Variants in DCAKD observed in about 807,000 individuals in gnomAD.
DCAKD encodes the protein dephospho-CoA kinase domain containing.
DCAKD carries 15 observed loss-of-function variants against 18.7 expected under a neutral mutation model. The ratio of observed to expected loss-of-function variants is 0.80; its 90% CI spans 0.54 to 1.24. The LOEUF is 1.24. Among genes scored for constraint, DCAKD ranks in the 50% most tolerant of loss-of-function variants. DCAKD has a pLI of 0.00. For synonymous variants in DCAKD, 130 were observed against 133.0 expected (o/e 0.98, Z 0.16); for missense variants, 301 against 322.0 (o/e 0.93, Z 0.50).
Position 45,059,548 on chromosome 17 carries a change from A to G in DCAKD, c.-118+1340T>C, listed in dbSNP as rs1407045753. On this transcript the variant is annotated intron_variant, in intron 1 of 4. Coordinates refer to the DCAKD transcript ENST00000310604. ...AAGAGTGAGACTCAGGGACTGAAAC[A>G]TTCAATCAAGGTTAAAAACAGATTA... is the stretch of plus-strand genomic sequence containing the variant. 2.0e-5 allele frequency among the ~76,000 whole-genome samples: 3 copies of G among 152,220 alleles called. No homozygotes were observed. In the East Asian group the frequency reaches 5.8e-4, roughly 29 times the overall value.
chr17:45,049,867 C>T lies in DCAKD; in HGVS notation c.-115+1494G>A, dbSNP rs928682479. ...CCTGAGTAGCTGGGATTGCAGGCAC[C>T]CGCCACCACACCCAGCTAATTTTTT... is the stretch of plus-strand genomic sequence containing the variant. On this transcript the variant is annotated intron_variant, in intron 1 of 4. Transcript: ENST00000651974. 6.0e-5 allele frequency among the ~76,000 whole-genome samples: 9 copies of T among 150,388 alleles called. 1 individual carries two copies. In the Admixed American group the frequency reaches 6.0e-4, roughly 10 times the overall value.
At chr17:45,046,868 G>T (rs1279094970) in intron 1 of DCAKD, among the ~76,000 whole-genome samples, 1 of 152,004 alleles carries the variant, frequency 6.6e-6, no homozygotes, top group Non-Finnish European at 1.5e-5. Context: ...TCATACTGAG[G>T]TGAGGTGCAC....
At chr17:45,060,892 G>A (rs924996497) in exon 1 of DCAKD, 2 of 428,016 alleles carry the variant, frequency 4.7e-6, no homozygotes, top group Non-Finnish European at 6.3e-6. Context: ...ACTTACCCGG[G>A]AAACGTAACG....
At chr17:45,038,551 G>C (rs760274037) in intron 1 of DCAKD, among the ~76,000 whole-genome samples, 5 of 152,204 alleles carry the variant, frequency 3.3e-5, no homozygotes, top group Non-Finnish European at 5.9e-5. Context: ...AAGTAAGGAA[G>C]ATGAATCTGT....
rs565664517 is a variant in DCAKD at position 45,025,736 on chromosome 17, G to C, written c.405-1012C>G. Among the ~76,000 whole-genome samples, 120 of 141,702 alleles carry C rather than the reference G, an allele frequency of 8.5e-4. 1 individual carries two copies. The highest frequency in any genetic ancestry group is 1.1e-3 in the Admixed American group (14 of 12,736). 93.0% of individuals were successfully genotyped at this position (141,702 alleles called of 152,430 possible). A position where few individuals can be genotyped will look rare whatever the true frequency, so the allele number is the denominator to read the frequency against. On this transcript the variant is annotated intron_variant, in intron 4 of 4. Transcript: ENST00000651974. ...TGGAAGGGTTTGATCACTACATTTT[G>C]GTTCCTTCTTTTTTTTTTTTTTTTT...
At chr17:45,042,113 T>TA (rs557494753) in intron 1 of DCAKD, among the ~76,000 whole-genome samples, 58 of 147,722 alleles carry the variant, frequency 3.9e-4, no homozygotes, top group African/African-American at 1.3e-3. Context: ...AGACCTGACT[T>TA]AAAAAAAAAA....
At chr17:45,030,229 G>T (rs774264492) in intron 3 of DCAKD, 50 bp from the exon 4 acceptor site, 1 of 1,533,310 alleles carries the variant, frequency 6.5e-7, no homozygotes, top group South Asian at 1.1e-5. Flanking sequence ...AGCGCACACT[G>T]AGGACTGATG....
At chr17:45,031,623 C>G (rs2053172339) in intron 3 of DCAKD, 2 of 985,294 alleles carry the variant, frequency 2.0e-6, no homozygotes, top group Non-Finnish European at 2.4e-6. Flanking sequence ...TAGATCCTCT[C>G]CGGGCCTCTT....
intron 1 of DCAKD, among the ~76,000 whole-genome samples, chr17:45,045,877 A>G (rs58195521): frequency 0.09 from 13,736 of 151,856 alleles, 723 homozygotes; most frequent in East Asian, 0.15. Context: ...CCAGGCTGGA[A>G]TGCAATGGTG....
chr17:45,058,748 C>A (rs2053814843), intron 1 of DCAKD, among the ~76,000 whole-genome samples: 1 of 151,624 alleles, frequency 6.6e-6, no homozygotes, highest in African/African-American at 2.4e-5. Context: ...CTTCTTACCT[C>A]TGACCCCCCC....
rs373121105 is a variant in DCAKD, at chr17:45,036,170, G to A, written c.-114-1171C>T. Among the ~76,000 whole-genome samples, 52 of 152,168 alleles carry A rather than the reference G, an allele frequency of 3.4e-4. 1 individual carries two copies. Among genetic ancestry groups the A allele is most frequent in the African/African-American group, 1.2e-3 (48 of 41,454 alleles). ...CATGTGCTGCAACCCCGGGCAAGCC[G>A]CTTGCCTCCCTGAACCTCAGTTTTC... On this transcript the variant is annotated intron_variant, in intron 1 of 4. Transcript: ENST00000651974.
chr17:45,058,320 A>G (rs1393201999), intron 1 of DCAKD, among the ~76,000 whole-genome samples: 1 of 152,214 alleles, frequency 6.6e-6, no homozygotes, highest in East Asian at 1.9e-4. Context: ...CTCAAAAATA[A>G]TAATAAATAA....
chr17:45,026,882 T>A, intron 4 of DCAKD: 3 of 958,480 alleles, frequency 3.1e-6, no homozygotes, highest in Non-Finnish European at 3.7e-6. Flanking sequence ...GTGCACATCC[T>A]CCTGAAGGTG....
rs551189889 is a variant in DCAKD at position 45,036,830 on chromosome 17, A to G, written c.-114-1831T>C. Among the ~76,000 whole-genome samples, 8 of 152,182 alleles carry G rather than the reference A, an allele frequency of 5.3e-5. No individual in the cohort carries two copies. The South Asian group carries it at 1.7e-3, about 32-fold the overall frequency. The stretch of plus-strand genomic sequence containing the variant: ...TTAAATCAAAGGCCAGGTCTCTCCC[A>G]CCCTTCCTTCAGCCTCAAATCACTT... On this transcript the variant is annotated intron_variant, in intron 1 of 4. Coordinates refer to ENST00000651974, the MANE Select transcript of DCAKD (RefSeq NM_001288655.2).
rs1003936242 is a variant in DCAKD at position 45,033,824 on chromosome 17, T to A, written c.316+363A>T. Reference sequence around the variant, plus strand: ...AAAAATGAGCTGAGGGCGAGATCACTCAATGAAGTCACACAGCTAGAAAGT... The same window carrying A: ...AAAAATGAGCTGAGGGCGAGATCACACAATGAAGTCACACAGCTAGAAAGT... On this transcript the variant is annotated intron_variant, in intron 3 of 4. Transcript: ENST00000651974. 23 of 1,177,816 alleles carry A rather than the reference T, an allele frequency of 2.0e-5. No individual in the cohort carries two copies. In the African/African-American group the frequency reaches 3.5e-4, roughly 18 times the overall value. The allele number at this position is 1,177,816 out of a possible 1,614,324, so 73.0% of individuals were successfully genotyped here.
rs903050878 is a variant in DCAKD, at chr17:45,023,795, C to G, written c.*638G>C. 1.3e-5 allele frequency: 2 copies of G among 152,516 alleles called. No individual in the cohort carries two copies. Among genetic ancestry groups the G allele is most frequent in the Non-Finnish European group, 2.9e-5 (2 of 68,334 alleles). 9.4% of individuals were successfully genotyped at this position (152,516 alleles called of 1,614,324 possible). On this transcript the variant is annotated 3_prime_UTR_variant, in exon 5 of 5. Coordinates refer to ENST00000651974, the MANE Select transcript of DCAKD (RefSeq NM_001288655.2). ...ATGTGGGAGCACTACACAAACCCTA[C>G]GTGGGGAGAGGGGTCTCCCAGAAGA...
At chr17:45,033,962 A>C in intron 3 of DCAKD, 1 of 1,574,906 alleles carries the variant, frequency 6.3e-7, no homozygotes, top group Non-Finnish European at 8.6e-7. Flanking sequence ...CGAAAGCCTC[A>C]TGTGTCTCTT....
At chr17:45,059,503 A>C (rs2053825109) in intron 1 of DCAKD, among the ~76,000 whole-genome samples, 1 of 152,202 alleles carries the variant, frequency 6.6e-6, no homozygotes, top group Non-Finnish European at 1.5e-5. Flanking sequence ...TTGGGCACTT[A>C]GGCGAGATTA....
At chr17:45,029,872 A>C (rs2143193465) in intron 4 of DCAKD, among the ~76,000 whole-genome samples, 2 of 151,162 alleles carry the variant, frequency 1.3e-5, no homozygotes, top group East Asian at 2.0e-4. Context: ...GCGCTCCCCA[A>C]ACACTAGAGA....
Sources: gnomAD v4.1 joint callset for allele counts (sites outside exome capture counted in the v4.1 genomes callset) on GRCh38, gnomAD v4.1.1 for gene constraint, MANE v1.5 for transcripts, NCBI Gene and HGNC (gene_info 2026-07-23, HGNC 2026-07-21) for gene names.